ETV6: variants seen among roughly 807,000 people sequenced by gnomAD.
ETV6 encodes the protein transcription factor ETV6.
In ETV6, 16 loss-of-function variants were observed where a neutral mutation model predicts 51.1. That is an observed-to-expected ratio of 0.31 (90% CI 0.21 to 0.48). The LOEUF (loss-of-function observed/expected upper bound fraction) is 0.48. Ranked by LOEUF, ETV6 falls within the 20% of genes least tolerant of loss-of-function variation. The pLI, the probability that ETV6 is intolerant of heterozygous loss-of-function variation, is 0.99. For missense variants in ETV6, 458 were observed against 594.8 expected (o/e 0.77, Z 2.39); for synonymous variants, 240 against 224.1 (o/e 1.07, Z -0.64).
intron 2 of ETV6, among the ~76,000 whole-genome samples, chr12:11,824,517 G>A (rs907832376): frequency 6.6e-6 from 1 of 152,158 alleles, no homozygotes; most frequent in Non-Finnish European, 1.5e-5. Flanking sequence ...GGTGGCTCAC[G>A]CCTATAATCC....
intron 1 of ETV6, chr12:11,751,533 A>G (rs770645571): frequency 5.4e-5 from 27 of 500,998 alleles, no homozygotes; most frequent in Non-Finnish European, 8.8e-5. Flanking sequence ...GCCGAACCCA[A>G]CAGTCGGTTT....
chr12:11,703,954 A>T (rs1443571042), intron 1 of ETV6, among the ~76,000 whole-genome samples: 1 of 152,258 alleles, frequency 6.6e-6, no homozygotes, highest in East Asian at 1.9e-4. Context: ...AATATTTTGA[A>T]AATAGAAGAA....
At chr12:11,705,309 T>G (rs1416332512) in intron 1 of ETV6, among the ~76,000 whole-genome samples, 5 of 152,232 alleles carry the variant, frequency 3.3e-5, no homozygotes. Flanking sequence ...TAATTTTTTC[T>G]ACAATAGCCA....
intron 1 of ETV6, among the ~76,000 whole-genome samples, chr12:11,666,272 T>A (rs113658048): frequency 2.0e-4 from 30 of 152,146 alleles, no homozygotes; most frequent in African/African-American, 7.0e-4. Context: ...GAGTCAGCTC[T>A]TTCCAGTCTT....
At chr12:11,709,105 T>A (rs1296904717) in intron 1 of ETV6, among the ~76,000 whole-genome samples, 4 of 152,088 alleles carry the variant, frequency 2.6e-5, no homozygotes, top group Non-Finnish European at 5.9e-5. Flanking sequence ...TATGTAATAT[T>A]TGATATATAA....
chr12:11,719,900 A>G (rs1264831401), intron 1 of ETV6, among the ~76,000 whole-genome samples: 1 of 152,216 alleles, frequency 6.6e-6, no homozygotes, highest in Admixed American at 6.5e-5. Flanking sequence ...CGCCAAGGGC[A>G]CAGGCTTCTG....
chr12:11,777,475 T>C (rs1357219092), intron 2 of ETV6, among the ~76,000 whole-genome samples: 2 of 152,008 alleles, frequency 1.3e-5, no homozygotes, highest in African/African-American at 4.8e-5. Flanking sequence ...CTTCTGGCAT[T>C]GCCCAGGATT....
intron 1 of ETV6, among the ~76,000 whole-genome samples, chr12:11,697,420 T>C (rs1199046251): frequency 6.6e-6 from 1 of 152,236 alleles, no homozygotes; most frequent in Non-Finnish European, 1.5e-5. Flanking sequence ...TCATCTCCGT[T>C]CTCAAGAAAC....
chr12:11,802,832 C>T (rs373618336), intron 2 of ETV6, among the ~76,000 whole-genome samples: 2 of 152,206 alleles, frequency 1.3e-5, no homozygotes, highest in Non-Finnish European at 1.5e-5. Flanking sequence ...AGCAGCTCTC[C>T]TGGCCCAGCT....
rs191227618 is a variant in ETV6, at chr12:11,887,887, C to T, written c.1253+1861C>T. Reference sequence around the variant, plus strand: ...CTCCTCCTGTATCCCAGTCATTGTGCTAGATGGACCATTGGCTCTTCAGCA... The same window carrying T: ...CTCCTCCTGTATCCCAGTCATTGTGTTAGATGGACCATTGGCTCTTCAGCA... On this transcript the variant is annotated intron_variant, in intron 7 of 7. Transcript: ENST00000396373. Among the ~76,000 whole-genome samples, 3 of 152,268 alleles carry T rather than the reference C, an allele frequency of 2.0e-5. No homozygotes were observed. The East Asian group carries it at 5.8e-4, about 29-fold the overall frequency.
At chr12:11,663,603 T>G (rs1253608816) in intron 1 of ETV6, among the ~76,000 whole-genome samples, 1 of 152,196 alleles carries the variant, frequency 6.6e-6, no homozygotes, top group Non-Finnish European at 1.5e-5. Context: ...GAGGCCTGGC[T>G]TTGTGATGGG....
chr12:11,693,183 A>C (rs756300427), intron 1 of ETV6, among the ~76,000 whole-genome samples: 1 of 152,150 alleles, frequency 6.6e-6, no homozygotes, highest in Non-Finnish European at 1.5e-5. Flanking sequence ...CTGTCAGATA[A>C]ATTAGGGAAG....
chr12:11,882,530 C>T (rs545338527), intron 5 of ETV6, among the ~76,000 whole-genome samples: 1 of 152,318 alleles, frequency 6.6e-6, no homozygotes, highest in African/African-American at 2.4e-5. Flanking sequence ...AGCAACAGCA[C>T]CTGCCTCATA....
intron 1 of ETV6, among the ~76,000 whole-genome samples, chr12:11,650,491 A>AC (rs1185053008): frequency 1.6e-5 from 1 of 63,534 alleles, no homozygotes; most frequent in African/African-American, 5.6e-5. Flanking sequence ...TAAAAAAAAA[A>AC]AAAACAAAAA....
At position 11,676,411 on chromosome 12, in the gene ETV6, T is replaced by C. The variant is rs114450493; in HGVS notation, c.33+26251T>C. ...TCTCAGGTTAAAGCCCAACTAACCC[T>C]GACCAGGCTGCAAGGCCCTGCGTGA... On this transcript the variant is annotated intron_variant, in intron 1 of 7. Transcript: ENST00000396373. 8.5e-3 allele frequency among the ~76,000 whole-genome samples: 1,296 copies of C among 152,336 alleles called. 11 individuals carry two copies. The highest frequency in any genetic ancestry group is 0.014 in the African/African-American group (568 of 41,590).
At chr12:11,717,209 G>T (rs1865294597) in intron 1 of ETV6, among the ~76,000 whole-genome samples, 1 of 152,208 alleles carries the variant, frequency 6.6e-6, no homozygotes, top group Non-Finnish European at 1.5e-5. Flanking sequence ...TTTGCAAAGA[G>T]CAGGCAACCA....
intron 2 of ETV6, among the ~76,000 whole-genome samples, chr12:11,838,113 G>A (rs1262131604): frequency 6.6e-6 from 1 of 152,152 alleles, no homozygotes; most frequent in African/African-American, 2.4e-5. Flanking sequence ...AAGATGGCTG[G>A]ACGCTCATCT....
chr12:11,852,874 CTGATTTTCTGCCTTT>C (rs1278147559), intron 3 of ETV6, among the ~76,000 whole-genome samples: 1 of 152,156 alleles, frequency 6.6e-6, no homozygotes, highest in African/African-American at 2.4e-5. Flanking sequence ...TGTTTTCTTT[CTGATTTTCTGCCTTT>C]TTAAAACATT....
At chr12:11,681,380 C>G (rs1345981651) in intron 1 of ETV6, among the ~76,000 whole-genome samples, 2 of 152,034 alleles carry the variant, frequency 1.3e-5, no homozygotes, top group Non-Finnish European at 2.9e-5. Context: ...TTCTATGTAT[C>G]ATAAACCACA....
Sources: allele counts gnomAD v4.1 joint callset (sites outside exome capture counted in the v4.1 genomes callset), GRCh38; gene constraint gnomAD v4.1.1; transcripts MANE v1.5; gene names NCBI Gene and HGNC (gene_info 2026-07-23, HGNC 2026-07-21).